The following SGO1 variants were observed in gnomAD, a reference collection of about 807,000 sequenced individuals.
The protein encoded by SGO1 is shugoshin 1.
A neutral mutation model predicts 50.5 loss-of-function variants in SGO1; 39 were observed. The ratio of observed to expected loss-of-function variants is 0.77; its 90% CI spans 0.60 to 1.01. The LOEUF is 1.01. Among genes scored for constraint, SGO1 ranks in the 50% least tolerant of loss-of-function variants. The pLI, the probability that SGO1 is intolerant of heterozygous loss-of-function variation, is 0.00. For missense variants in SGO1, 638 were observed against 606.0 expected, an observed-to-expected ratio of 1.05 and a Z score of -0.55; for synonymous variants, 191 against 205.1, an observed-to-expected ratio of 0.93 and a Z score of 0.59.
At chr3:20,163,686 G>A (rs1367455486) in intron 8 of SGO1, among the ~76,000 whole-genome samples, 4 of 152,138 alleles carry the variant, frequency 2.6e-5, no homozygotes, top group Non-Finnish European at 5.9e-5. Flanking sequence ...TTGGGTAAAC[G>A]CTGCAGCTGC....
At position 20,170,083 on chromosome 3, in the gene SGO1, AT is replaced by A; in HGVS notation, c.*620del. The A allele has an allele frequency of 1.0e-6, 1 of 985,316 alleles. No individual in the cohort carries two copies. The highest frequency in any genetic ancestry group is 1.2e-6 in the Non-Finnish European group (1 of 829,802). The allele number at this position is 985,316 out of a possible 1,614,324, so 61.0% of individuals were successfully genotyped here. A position where few individuals can be genotyped will look rare whatever the true frequency, so the allele number is the denominator to read the frequency against. ...ATTAAAAGATCTTATTTGAGTAATC[AT>A]TATTCATTTCTACAATGTTTGTATA... On this transcript the variant is annotated 3_prime_UTR_variant, in exon 8 of 8. Transcript: ENST00000412997.
intron 5 of SGO1, among the ~76,000 whole-genome samples, chr3:20,176,239 G>A (rs1480515531): frequency 6.6e-6 from 1 of 152,168 alleles, no homozygotes. Context: ...CTTCATGTGA[G>A]ATATTTTACC....
chr3:20,161,113 A>G, exon 9 of SGO1: 1 of 1,613,962 alleles, frequency 6.2e-7, no homozygotes, highest in Non-Finnish European at 8.5e-7. Context: ...CTTTACCTCA[A>G]GCAGATGTGG....
chr3:20,172,550 G>C (rs532843412), intron 6 of SGO1, among the ~76,000 whole-genome samples: 1 of 151,730 alleles, frequency 6.6e-6, no homozygotes, highest in South Asian at 2.1e-4. Flanking sequence ...ACGGTATGGG[G>C]TATGGCCTGA....
chr3:20,183,832 T>C (rs1371057538), intron 2 of SGO1, 28 bp from the exon 3 acceptor site: 4 of 1,601,992 alleles, frequency 2.5e-6, no homozygotes, highest in Non-Finnish European at 3.4e-6. Context: ...AATTTATCAG[T>C]TATTAAATCT....
chr3:20,161,150 TG>T lies in SGO1; in HGVS notation c.1640del (p.Pro547GlnfsTer14), dbSNP rs1411240883. 6.2e-7 allele frequency: 1 copy of T among 1,613,812 alleles called. No individual in the cohort carries two copies. Among genetic ancestry groups the T allele is most frequent in the Non-Finnish European group, 8.5e-7 (1 of 1,179,870 alleles). On this transcript the variant is annotated frameshift_variant, in exon 9 of 9. Coordinates refer to the SGO1 transcript ENST00000263753. LOFTEE classifies it high-confidence loss of function. ...TTTCAAGTTTACATTTCCTACAGTC[TG>T]GGAATCTCGAAACAAATTCTCGAAC... is the stretch of plus-strand genomic sequence containing the variant.
intron 6 of SGO1, among the ~76,000 whole-genome samples, chr3:20,173,746 A>AT (rs1306773005): frequency 7.2e-5 from 11 of 152,182 alleles, no homozygotes; most frequent in African/African-American, 2.7e-4. Flanking sequence ...CTAATAAAAT[A>AT]TTTTCTGAGC....
At chr3:20,175,107 G>T in intron 5 of SGO1, 52 bp from the exon 6 acceptor site, 1 of 1,352,584 alleles carries the variant, frequency 7.4e-7, no homozygotes, top group South Asian at 2.3e-5. Flanking sequence ...GTGGAAATTT[G>T]AATTTCAAGA....
intron 8 of SGO1, among the ~76,000 whole-genome samples, chr3:20,163,679 G>T (rs1700154951): frequency 6.6e-6 from 1 of 152,096 alleles, no homozygotes; most frequent in African/African-American, 2.4e-5. Context: ...GTTATCTTTG[G>T]GTAAACGCTG....
downstream of SGO1, chr3:20,168,962 T>C (rs1700461527): frequency 1.0e-6 from 1 of 985,146 alleles, no homozygotes; most frequent in South Asian, 4.7e-5. Context: ...TAATGGTCTG[T>C]AGTCTTAGTT....
At chr3:20,166,842 C>CAAAAAAA (rs58288144), downstream of SGO1, among the ~76,000 whole-genome samples, 1 of 42,752 alleles carries the variant, frequency 2.3e-5, no homozygotes. Context: ...CCATCTCTAC[C>CAAAAAAA]AAAAAAAAAA....
intron 3 of SGO1, among the ~76,000 whole-genome samples, chr3:20,178,781 T>C (rs6773807): frequency 0.62 from 94,114 of 152,050 alleles, 31,812 homozygotes; most frequent in East Asian, 0.96. Flanking sequence ...GAAAGAAAGG[T>C]TGTTGTGGCT....
chr3:20,170,785 A>G lies in SGO1; in HGVS notation c.1503T>C (p.Asp501=). Residue 501 remains aspartate, a synonymous_variant, in exon 8 of 8, where the codon GAT becomes GAC. Transcript: ENST00000412997. ...SKLRRGDPFT[D]LCFLNSPIFK... ...AAATAGGAGAATTCAAAAAACACAA[A>G]TCTGTAAAAGGGTCCCCTCTTCTCA... 3 of 1,596,598 alleles carry G rather than the reference A, an allele frequency of 1.9e-6. No homozygotes were observed. Among genetic ancestry groups the G allele is most frequent in the Non-Finnish European group, 2.6e-6 (3 of 1,176,132 alleles).
chr3:20,162,554 T>C (rs1471959306), intron 8 of SGO1, among the ~76,000 whole-genome samples: 3 of 152,044 alleles, frequency 2.0e-5, no homozygotes, highest in African/African-American at 7.2e-5. Context: ...AAATTCCCAA[T>C]ATACAGTATC....
At chr3:20,185,530 T>G (rs973592958) in intron 1 of SGO1, among the ~76,000 whole-genome samples, 2 of 152,124 alleles carry the variant, frequency 1.3e-5, no homozygotes, top group Non-Finnish European at 2.9e-5. Context: ...CCTAGCATAT[T>G]TGATCTCCGT....
downstream of SGO1, among the ~76,000 whole-genome samples, chr3:20,164,490 C>T (rs1429231930): frequency 6.6e-6 from 1 of 152,128 alleles, no homozygotes; most frequent in African/African-American, 2.4e-5. Flanking sequence ...CAGTAATGCC[C>T]TAGGACCAAA....
upstream of SGO1, chr3:20,186,542 C>CT (rs1034258774): frequency 2.6e-4 from 39 of 152,366 alleles, no homozygotes; most frequent in African/African-American, 9.4e-4. Flanking sequence ...TCAAAGCCTC[C>CT]CTCTTGTGAG....
chr3:20,186,466 G>A (rs1439086958), upstream of SGO1: 1 of 152,276 alleles, frequency 6.6e-6, no homozygotes, highest in South Asian at 2.1e-4. Context: ...TTAAGGCCGA[G>A]TGTGATAGGT....
Position 20,170,624 on chromosome 3 carries a change from G to T in SGO1, c.*80C>A. On this transcript the variant is annotated 3_prime_UTR_variant, in exon 8 of 8. Transcript: ENST00000412997. Reference sequence around the variant, plus strand: ...ATATTCTATGGCAATGGCTCACTCTGTTTGTGTACTCTTACAGATCCTCTC... The same window carrying T: ...ATATTCTATGGCAATGGCTCACTCTTTTTGTGTACTCTTACAGATCCTCTC... The T allele has an allele frequency of 2.8e-6, 4 of 1,442,942 alleles. No individual in the cohort carries two copies. Among genetic ancestry groups the T allele is most frequent in the Non-Finnish European group, 3.6e-6 (4 of 1,105,988 alleles). 89.4% of individuals were successfully genotyped at this position (1,442,942 alleles called of 1,614,324 possible).
Sources: allele counts gnomAD v4.1 joint callset (sites outside exome capture counted in the v4.1 genomes callset), GRCh38; gene constraint gnomAD v4.1.1; transcripts MANE v1.5; gene names NCBI Gene and HGNC (gene_info 2026-07-23, HGNC 2026-07-21).